Variants in PCMTD1 observed in about 807,000 individuals in gnomAD.
PCMTD1 encodes protein-L-isoaspartate O-methyltransferase domain-containing protein 1.
In PCMTD1, 12 loss-of-function variants were observed where a neutral mutation model predicts 37.6. The observed-to-expected ratio is 0.32, with a 90% CI of 0.20 to 0.52. The LOEUF (loss-of-function observed/expected upper bound fraction) is 0.52, where lower values mean the gene tolerates loss of function less well. PCMTD1 is among the 20% of genes least tolerant of loss of function. The pLI is 0.97. For synonymous variants in PCMTD1, 117 were observed against 135.8 expected (o/e 0.86, Z 0.96); for missense variants, 235 against 421.3 (o/e 0.56, Z 3.87).
intron 3 of PCMTD1, chr8:51,839,626 G>C: frequency 5.1e-6 from 5 of 985,346 alleles, no homozygotes; most frequent in Non-Finnish European, 6.0e-6. Context: ...GATAGTCTAG[G>C]TCTAGGAGCT....
intron 3 of PCMTD1, among the ~76,000 whole-genome samples, chr8:51,834,287 AT>A (rs1164185033): frequency 2.0e-5 from 3 of 152,056 alleles, no homozygotes; most frequent in African/African-American, 7.2e-5. Context: ...AATTAATACT[AT>A]TTTTTTCATA....
At chr8:51,886,488 T>C (rs1258718073) in intron 1 of PCMTD1, among the ~76,000 whole-genome samples, 1 of 152,196 alleles carries the variant, frequency 6.6e-6, no homozygotes, top group Admixed American at 6.5e-5. Context: ...GGGATTCCTA[T>C]ATGCCATTTT....
intron 1 of PCMTD1, among the ~76,000 whole-genome samples, chr8:51,881,786 C>T (rs2038796392): frequency 6.6e-6 from 1 of 152,190 alleles, no homozygotes; most frequent in African/African-American, 2.4e-5. Flanking sequence ...GAACTTTGCT[C>T]ATATCTGGGC....
chr8:51,896,684 C>T (rs1487245478), intron 1 of PCMTD1, among the ~76,000 whole-genome samples: 1 of 152,136 alleles, frequency 6.6e-6, no homozygotes, highest in African/African-American at 2.4e-5. Context: ...TAAAAAAATA[C>T]CATTATAGTT....
At chr8:51,834,025 A>G (rs556982705) in intron 3 of PCMTD1, among the ~76,000 whole-genome samples, 3 of 152,330 alleles carry the variant, frequency 2.0e-5, no homozygotes, top group Non-Finnish European at 4.4e-5. Flanking sequence ...AATGAGAATC[A>G]TAAGGATCAA....
intron 5 of PCMTD1, among the ~76,000 whole-genome samples, chr8:51,829,934 G>C (rs913227487): frequency 1.3e-5 from 2 of 152,028 alleles, no homozygotes; most frequent in African/African-American, 4.8e-5. Context: ...GGCAAACTAA[G>C]TCAAGAGGTT....
chr8:51,875,871 G>A (rs1170753867), intron 1 of PCMTD1, among the ~76,000 whole-genome samples: 1 of 152,176 alleles, frequency 6.6e-6, no homozygotes, highest in Admixed American at 6.5e-5. Context: ...GTTCAAGGCT[G>A]CAGTGAGCTA....
rs200435064 is a variant in PCMTD1 at position 51,844,395 on chromosome 8, T to TA, written c.410+1265dup. The stretch of plus-strand genomic sequence containing the variant: ...CTTGCTTAAATTCATTGAACTACAG[T>TA]AAAAAAAAACCTGAGCATTTCCCAA... On this transcript the variant is annotated intron_variant, in intron 3 of 5. Coordinates refer to ENST00000522514, the MANE Select transcript of PCMTD1 (RefSeq NM_052937.4). 4.4e-4 allele frequency among the ~76,000 whole-genome samples: 66 copies of TA among 151,408 alleles called. 1 individual carries two copies. The East Asian group carries it at 4.4e-3, about 10-fold the overall frequency.
At chr8:51,887,438 T>C (rs2038879413) in intron 1 of PCMTD1, among the ~76,000 whole-genome samples, 1 of 152,148 alleles carries the variant, frequency 6.6e-6, no homozygotes, top group South Asian at 2.1e-4. Context: ...AGAAGAAATA[T>C]GCTTATTATT....
intron 1 of PCMTD1, among the ~76,000 whole-genome samples, chr8:51,897,895 T>C (rs2039030594): frequency 6.6e-6 from 1 of 152,122 alleles, no homozygotes; most frequent in Non-Finnish European, 1.5e-5. Flanking sequence ...TACTGTACTA[T>C]ATATGATCCC....
rs571254570 is a variant in PCMTD1, at chr8:51,832,938, C to T, written c.582+580G>A. Among the ~76,000 whole-genome samples the T allele has an allele frequency of 3.9e-5, 6 of 152,286 alleles. No individual in the cohort carries two copies. In the South Asian group the frequency reaches 6.2e-4, roughly 16 times the overall value. On this transcript the variant is annotated intron_variant, in intron 4 of 5. Coordinates refer to ENST00000522514, the MANE Select transcript of PCMTD1 (RefSeq NM_052937.4). ...ATGGCACACTGCAGCCTCAACCTCC[C>T]GGGCTCAAGTGATCCTCCCACCTCA...
intron 1 of PCMTD1, among the ~76,000 whole-genome samples, chr8:51,876,345 T>A (rs2129290620): frequency 6.6e-6 from 1 of 151,936 alleles, no homozygotes; most frequent in South Asian, 2.1e-4. Flanking sequence ...AATGGAGGAG[T>A]CAGTGGGAAG....
Position 51,895,934 on chromosome 8 carries a change from A to ATTTTTTTTTTTTTTTTTTTTTTTTTTTTT in PCMTD1, c.-96+2995_-96+2996insAAAAAAAAAAAAAAAAAAAAAAAAAAAAA, listed in dbSNP as rs1563367741. 2 of 116,670 alleles carry ATTTTTTTTTTTTTTTTTTTTTTTTTTTTT rather than the reference A, an allele frequency of 1.7e-5. 1 individual carries two copies. The allele number at this position is 116,670 out of a possible 1,614,324, so 7.2% of individuals were successfully genotyped here. A position where few individuals can be genotyped will look rare whatever the true frequency, so the allele number is the denominator to read the frequency against. ...CTTTATTAATGTTAGTATTTGTCCC[A>ATTTTTTTTTTTTTTTTTTTTTTTTTTTTT]TTTCTTTTTTTTTTTTTTTTTTTTT... is the stretch of plus-strand genomic sequence containing the variant. On this transcript the variant is annotated intron_variant, in intron 1 of 5. Coordinates refer to ENST00000522514, the MANE Select transcript of PCMTD1 (RefSeq NM_052937.4).
chr8:51,861,039 C>T lies in PCMTD1; in HGVS notation c.113G>A (p.Arg38His). ...GTAGCCTTCCAAATAGTAATCTCCACGATCAATCGCTCTGAAGGCTTGCTC... is the reference window on the plus strand; with the variant it reads ...GTAGCCTTCCAAATAGTAATCTCCATGATCAATCGCTCTGAAGGCTTGCTC... ...RVEQAFRAIDRGDYYLEGYRD... is the reference protein window; with the variant it reads ...RVEQAFRAIDHGDYYLEGYRD... The change falls in exon 2 of 6, where the codon CGT (arginine) becomes CAT (histidine). Residue 38 changes from arginine (R) to histidine (H), a missense_variant. Around this residue, in one of 3 missense-constraint regions of PCMTD1, gnomAD observed 183 missense variants for 349.3 expected, o/e 0.52. Coordinates refer to ENST00000522514, the MANE Select transcript of PCMTD1 (RefSeq NM_052937.4). 1.2e-6 allele frequency: 2 copies of T among 1,614,064 alleles called. No homozygotes were observed. The highest frequency in any genetic ancestry group is 1.7e-6 in the Non-Finnish European group (2 of 1,179,988).
intron 1 of PCMTD1, among the ~76,000 whole-genome samples, chr8:51,893,645 T>C (rs1401816804): frequency 3.3e-5 from 5 of 152,212 alleles, no homozygotes; most frequent in Non-Finnish European, 7.4e-5. Context: ...TAAAAATTTA[T>C]ATACAGTACC....
intron 1 of PCMTD1, among the ~76,000 whole-genome samples, chr8:51,873,636 T>C (rs182515744): frequency 1.2e-3 from 189 of 152,218 alleles, no homozygotes; most frequent in African/African-American, 4.3e-3. Context: ...TCTCCTGTCT[T>C]GGTGCTGTCC....
chr8:51,827,871 T>C (rs552266037), intron 5 of PCMTD1, among the ~76,000 whole-genome samples: 8 of 152,344 alleles, frequency 5.3e-5, no homozygotes, highest in Non-Finnish European at 8.8e-5. Flanking sequence ...CTATTTTACA[T>C]TCACAGTTAC....
Position 51,858,347 on chromosome 8 carries a change from TGAGTG to T in PCMTD1, c.307+2493_307+2497del, listed in dbSNP as rs2038421771. Among the ~76,000 whole-genome samples, 25 of 152,166 alleles carry T rather than the reference TGAGTG, an allele frequency of 1.6e-4. 1 individual carries two copies. The highest frequency in any genetic ancestry group is 1.6e-3 in the Admixed American group (25 of 15,274). On this transcript the variant is annotated intron_variant, in intron 2 of 5. Transcript: ENST00000522514. ...GGGAGCACCTGTTATCCCTATCTTG[TGAGTG>T]GAAAAGAAAAATGGCTGAGCCATAG...
chr8:51,885,100 C>A (rs1414152539), intron 1 of PCMTD1, among the ~76,000 whole-genome samples: 4 of 152,182 alleles, frequency 2.6e-5, no homozygotes, highest in Non-Finnish European at 5.9e-5. Context: ...AGACTACACA[C>A]AAGCCACCGA....
Sources: allele counts gnomAD v4.1 joint callset (sites outside exome capture counted in the v4.1 genomes callset), GRCh38; gene constraint gnomAD v4.1.1; regional missense constraint gnomAD v4.1.1; transcripts MANE v1.5; gene names NCBI Gene and HGNC (gene_info 2026-07-23, HGNC 2026-07-21).